Variants in LRP1B observed in about 807,000 individuals in gnomAD.
The protein encoded by LRP1B is LDL receptor related protein 1B.
A neutral mutation model predicts 556.6 loss-of-function variants in LRP1B; 217 were observed. That is an observed-to-expected ratio of 0.39 (90% CI 0.35 to 0.44). The LOEUF is 0.44. LRP1B is among the 20% of genes least tolerant of loss of function. The pLI is 1.00. For missense variants in LRP1B, 5,053 were observed against 5,620.8 expected, an observed-to-expected ratio of 0.90 and a Z score of 3.23; for synonymous variants, 2,047 against 1,865.8, an observed-to-expected ratio of 1.10 and a Z score of -2.50.
chr2:141,850,238 C>A (rs1332444793), intron 1 of LRP1B, among the ~76,000 whole-genome samples: 2 of 151,310 alleles, frequency 1.3e-5, no homozygotes, highest in Admixed American at 1.3e-4. Flanking sequence ...GCTTTTTTTC[C>A]CCCATGGTCC....
intron 23 of LRP1B, among the ~76,000 whole-genome samples, chr2:140,890,268 A>G (rs1693761101): frequency 6.6e-6 from 1 of 152,198 alleles, no homozygotes; most frequent in African/African-American, 2.4e-5. Context: ...GCATACACAG[A>G]GGGCTTCAAA....
chr2:141,496,793 A>G (rs1455020840), intron 2 of LRP1B, among the ~76,000 whole-genome samples: 2 of 152,064 alleles, frequency 1.3e-5, no homozygotes, highest in Non-Finnish European at 2.9e-5. Context: ...GAAGAAAAGA[A>G]TAGAAAAGAA....
chr2:141,919,184 T>C (rs910919479), intron 1 of LRP1B, among the ~76,000 whole-genome samples: 3 of 152,114 alleles, frequency 2.0e-5, no homozygotes, highest in Non-Finnish European at 4.4e-5. Context: ...ATATGTATGA[T>C]CTATAGATAC....
At chr2:141,318,063 G>A (rs144394510) in intron 3 of LRP1B, among the ~76,000 whole-genome samples, 7 of 152,202 alleles carry the variant, frequency 4.6e-5, no homozygotes, top group African/African-American at 1.7e-4. Flanking sequence ...ACCACTAAGG[G>A]TTAACTTCTG....
At chr2:141,732,061 A>AT (rs953468337) in intron 2 of LRP1B, among the ~76,000 whole-genome samples, 1 of 152,042 alleles carries the variant, frequency 6.6e-6, no homozygotes, top group Non-Finnish European at 1.5e-5. Flanking sequence ...CCAATATGGT[A>AT]TTTTTCAAGG....
intron 11 of LRP1B, among the ~76,000 whole-genome samples, chr2:141,028,234 A>T (rs35246751): frequency 0.2 from 30,677 of 151,590 alleles, 3,204 homozygotes; most frequent in East Asian, 0.36. Flanking sequence ...TTTTATAACA[A>T]TTGTGGTATA....
chr2:141,059,206 C>T (rs1476176135), intron 8 of LRP1B, 152 bp from the exon 9 acceptor site: 3 of 517,086 alleles, frequency 5.8e-6, no homozygotes, highest in East Asian at 3.3e-5. Context: ...TCAACATTTC[C>T]CTGATTAAAA....
chr2:140,357,470 T>TA (rs1682280138), intron 74 of LRP1B, among the ~76,000 whole-genome samples: 1 of 151,232 alleles, frequency 6.6e-6, no homozygotes, highest in Non-Finnish European at 1.5e-5. Flanking sequence ...TTCTTTAATA[T>TA]AAAAAATCAA....
intron 7 of LRP1B, among the ~76,000 whole-genome samples, chr2:141,129,523 A>C (rs759570798): frequency 4.6e-5 from 7 of 151,256 alleles, no homozygotes; most frequent in Non-Finnish European, 1.0e-4. Flanking sequence ...ATATTAAACT[A>C]AGATAAAAGC....
intron 3 of LRP1B, among the ~76,000 whole-genome samples, chr2:141,384,440 T>C (rs1000536861): frequency 2.0e-5 from 3 of 152,096 alleles, no homozygotes; most frequent in African/African-American, 7.2e-5. Context: ...TGGAAATCTA[T>C]ATTAATAGGT....
intron 1 of LRP1B, among the ~76,000 whole-genome samples, chr2:142,060,190 G>A (rs1422876455): frequency 1.3e-5 from 2 of 152,020 alleles, no homozygotes; most frequent in Non-Finnish European, 2.9e-5. Context: ...GGTTTTGGAT[G>A]CATATATTTG....
chr2:140,529,207 A>G (rs937266434), intron 47 of LRP1B, among the ~76,000 whole-genome samples: 3 of 152,048 alleles, frequency 2.0e-5, no homozygotes, highest in African/African-American at 7.2e-5. Flanking sequence ...TTGTGGATCA[A>G]AAGTAGCAGC....
intron 7 of LRP1B, among the ~76,000 whole-genome samples, chr2:141,091,045 TAG>T (rs1457596168): frequency 2.0e-5 from 3 of 152,346 alleles, no homozygotes; most frequent in Admixed American, 1.3e-4. Flanking sequence ...AGTAGTTAAC[TAG>T]AGTTGCTGGA....
intron 3 of LRP1B, among the ~76,000 whole-genome samples, chr2:141,469,995 T>C (rs992956343): frequency 2.6e-5 from 4 of 152,218 alleles, no homozygotes; most frequent in African/African-American, 4.8e-5. Context: ...CTGAGCCTAA[T>C]TTATAAATTA....
intron 6 of LRP1B, among the ~76,000 whole-genome samples, chr2:141,224,452 T>C (rs963783027): frequency 6.6e-6 from 1 of 152,100 alleles, no homozygotes; most frequent in Non-Finnish European, 1.5e-5. Context: ...GAACCAGAAA[T>C]ACCATTTGAC....
rs369072618 is a variant in LRP1B, at chr2:140,349,944, T to A, written c.11892+853A>T. Among the ~76,000 whole-genome samples the A allele has an allele frequency of 6.6e-5, 10 of 152,228 alleles. 1 individual carries two copies. The highest frequency in any genetic ancestry group is 2.4e-4 in the African/African-American group (10 of 41,566). On this transcript the variant is annotated intron_variant, in intron 77 of 90. Coordinates refer to ENST00000389484, the MANE Select transcript of LRP1B (RefSeq NM_018557.3). ...ATATTCCAGATTTGCATCAAATGGA[T>A]TTATGTAGTTCAAGTGTTTATGGTA...
chr2:140,537,333 ATAC>A (rs1388789103), intron 45 of LRP1B, among the ~76,000 whole-genome samples: 1 of 151,734 alleles, frequency 6.6e-6, no homozygotes, highest in Non-Finnish European at 1.5e-5. Context: ...ATTTTTCAAT[ATAC>A]TACTATTTTT....
At chr2:141,062,010 T>C (rs754616070) in intron 8 of LRP1B, 41 bp downstream of exon 8, 29 of 1,543,918 alleles carry the variant, frequency 1.9e-5, no homozygotes, top group Non-Finnish European at 2.4e-5. Context: ...TTCCTTTCTT[T>C]TTATTACCCT....
intron 6 of LRP1B, among the ~76,000 whole-genome samples, chr2:141,193,803 G>A (rs1278330656): frequency 6.6e-6 from 1 of 151,714 alleles, no homozygotes; most frequent in African/African-American, 2.4e-5. Context: ...AAAAGGAATT[G>A]TTGTTTGTCT....
Sources: gnomAD v4.1 joint callset for allele counts (sites outside exome capture counted in the v4.1 genomes callset) on GRCh38, gnomAD v4.1.1 for gene constraint, MANE v1.5 for transcripts, NCBI Gene and HGNC (gene_info 2026-07-23, HGNC 2026-07-21) for gene names.